Variants in ASTN2 observed in about 807,000 individuals in gnomAD.
ASTN2 encodes astrotactin 2.
Under a neutral mutation model 139.8 loss-of-function variants are expected in ASTN2, and 54 were observed. The ratio of observed to expected loss-of-function variants is 0.39; its 90% confidence interval spans 0.31 to 0.48. ASTN2 has a LOEUF of 0.48. Among genes scored for constraint, ASTN2 ranks in the 20% least tolerant of loss-of-function variants. The probability of loss-of-function intolerance (pLI) is 0.95; values close to 1 mark genes in which losing one functional copy is unlikely to be tolerated. For missense variants in ASTN2, 1,565 were observed against 1,725.1 expected, an observed-to-expected ratio of 0.91 and a Z score of 1.64; for synonymous variants, 756 against 719.5, an observed-to-expected ratio of 1.05 and a Z score of -0.81.
At chr9:116,800,181 CT>C (rs1830807616) in intron 13 of ASTN2, among the ~76,000 whole-genome samples, 1 of 152,170 alleles carries the variant, frequency 6.6e-6, no homozygotes, top group African/African-American at 2.4e-5. Context: ...CCTTCCCCGC[CT>C]TCTGCTGTCT....
At chr9:117,355,655 A>G (rs1238384759) in intron 1 of ASTN2, among the ~76,000 whole-genome samples, 2 of 152,152 alleles carry the variant, frequency 1.3e-5, no homozygotes, top group Non-Finnish European at 2.9e-5. Context: ...ATGGGGAGAG[A>G]CAGAATGGAC....
chr9:117,402,650 T>A (rs1057083798), intron 1 of ASTN2, among the ~76,000 whole-genome samples: 1 of 152,250 alleles, frequency 6.6e-6, no homozygotes, highest in African/African-American at 2.4e-5. Context: ...ATTTTTAGTA[T>A]AAGTATGTCC....
At chr9:117,218,843 G>C (rs1280143084) in intron 2 of ASTN2, among the ~76,000 whole-genome samples, 6 of 152,120 alleles carry the variant, frequency 3.9e-5, no homozygotes, top group African/African-American at 1.4e-4. Flanking sequence ...CTTGGACATA[G>C]AACTTAATTT....
chr9:116,747,266 A>C (rs1829267575), intron 13 of ASTN2, among the ~76,000 whole-genome samples: 1 of 152,238 alleles, frequency 6.6e-6, no homozygotes, highest in Non-Finnish European at 1.5e-5. Context: ...GGAAAAATGC[A>C]CAGAACTTAT....
chr9:117,238,710 T>G (rs1225528133), intron 2 of ASTN2, among the ~76,000 whole-genome samples: 2 of 152,308 alleles, frequency 1.3e-5, no homozygotes, highest in East Asian at 3.9e-4. Context: ...GAGTGGACTC[T>G]TCTCTGATTC....
intron 3 of ASTN2, among the ~76,000 whole-genome samples, chr9:117,186,502 A>C (rs893155435): frequency 1.3e-5 from 2 of 152,206 alleles, no homozygotes; most frequent in East Asian, 1.9e-4. Context: ...AGCCGAAATC[A>C]CGCCACTGCA....
intron 1 of ASTN2, among the ~76,000 whole-genome samples, chr9:117,401,669 T>C (rs1008050834): frequency 1.3e-5 from 2 of 152,086 alleles, no homozygotes; most frequent in Non-Finnish European, 1.5e-5. Flanking sequence ...GGCTAGACAC[T>C]CTCTATTGCC....
intron 3 of ASTN2, among the ~76,000 whole-genome samples, chr9:117,198,576 A>G (rs1831590454): frequency 6.6e-6 from 1 of 152,162 alleles, no homozygotes. Context: ...CAGCCTTGCT[A>G]TTACAAATAG....
chr9:116,452,398 C>T (rs192275634), intron 20 of ASTN2, among the ~76,000 whole-genome samples: 1 of 152,218 alleles, frequency 6.6e-6, no homozygotes, highest in East Asian at 1.9e-4. Flanking sequence ...AGCTATGTGG[C>T]TTTGGTGGGA....
intron 10 of ASTN2, among the ~76,000 whole-genome samples, chr9:116,946,305 A>C (rs1370024372): frequency 6.6e-6 from 1 of 152,130 alleles, no homozygotes. Context: ...GAGGCTCCCC[A>C]CTAATTCTTA....
chr9:117,294,084 C>T (rs754536512), intron 1 of ASTN2, among the ~76,000 whole-genome samples: 1 of 152,230 alleles, frequency 6.6e-6, no homozygotes, highest in East Asian at 1.9e-4. Context: ...AGAGGCTTCC[C>T]CTTTCCATGT....
chr9:116,820,850 C>T, intron 11 of ASTN2, 67 bp from the exon 12 acceptor site: 2 of 1,468,078 alleles, frequency 1.4e-6, no homozygotes, highest in East Asian at 2.4e-5. Context: ...ACACCCTCTC[C>T]TCCCTCCTGG....
chr9:116,676,474 C>T (rs1859507594), intron 16 of ASTN2, among the ~76,000 whole-genome samples: 1 of 152,204 alleles, frequency 6.6e-6, no homozygotes, highest in African/African-American at 2.4e-5. Context: ...CAGTTACAAA[C>T]TTTGCTACAG....
At chr9:117,120,008 G>GTATATATATATATA (rs1203112485) in intron 4 of ASTN2, among the ~76,000 whole-genome samples, 1 of 45,626 alleles carries the variant, frequency 2.2e-5, no homozygotes, top group African/African-American at 7.6e-5. Flanking sequence ...GTGTGTGTGT[G>GTATATATATATATA]TGTGTGTGTG....
At chr9:116,795,199 C>T (rs543364841) in intron 13 of ASTN2, among the ~76,000 whole-genome samples, 4 of 152,230 alleles carry the variant, frequency 2.6e-5, no homozygotes, top group East Asian at 1.9e-4. Flanking sequence ...AGGCTGGTCT[C>T]GAACTCCTGA....
chr9:116,523,913 A>G (rs981702008), intron 19 of ASTN2, among the ~76,000 whole-genome samples: 2 of 152,194 alleles, frequency 1.3e-5, no homozygotes, highest in African/African-American at 4.8e-5. Flanking sequence ...TGAGTTCCAT[A>G]AGGAAATAAT....
intron 19 of ASTN2, among the ~76,000 whole-genome samples, chr9:116,491,761 C>G (rs1413231364): frequency 6.6e-6 from 1 of 152,168 alleles, no homozygotes; most frequent in Non-Finnish European, 1.5e-5. Flanking sequence ...AAAATCAATG[C>G]AATTCAACAC....
At chr9:116,786,519 A>C (rs1231364051) in intron 13 of ASTN2, among the ~76,000 whole-genome samples, 1 of 152,164 alleles carries the variant, frequency 6.6e-6, no homozygotes, top group African/African-American at 2.4e-5. Context: ...TACTCTTATT[A>C]CTACAATCAC....
chr9:116,737,042 A>G (rs767046217), intron 13 of ASTN2, among the ~76,000 whole-genome samples: 40 of 152,170 alleles, frequency 2.6e-4, no homozygotes, highest in Non-Finnish European at 4.9e-4. Context: ...GGGGACTTGG[A>G]GAAATGCAGA....
Sources: gnomAD v4.1 joint callset for allele counts (sites outside exome capture counted in the v4.1 genomes callset) on GRCh38, gnomAD v4.1.1 for gene constraint, MANE v1.5 for transcripts, NCBI Gene and HGNC (gene_info 2026-07-23, HGNC 2026-07-21) for gene names.